TMEM114: variants seen among roughly 807,000 people sequenced by gnomAD.
TMEM114 encodes the protein transmembrane protein 114.
A neutral mutation model predicts 6.2 loss-of-function variants in TMEM114; 6 were observed. The observed-to-expected ratio is 0.97, with a 90% confidence interval of 0.53 to 1.91. The LOEUF (loss-of-function observed/expected upper bound fraction) is 1.91. TMEM114 is among the 40% of genes most tolerant of loss of function. The pLI, the probability that TMEM114 is intolerant of heterozygous loss-of-function variation, is 0.01. For missense variants in TMEM114, 218 were observed against 158.3 expected, an observed-to-expected ratio of 1.38 and a Z score of -2.02; for synonymous variants, 104 against 73.0, an observed-to-expected ratio of 1.42 and a Z score of -2.16.
chr16:8,545,162 G>C (rs1464781565), intron 2 of TMEM114, among the ~76,000 whole-genome samples: 2 of 152,190 alleles, frequency 1.3e-5, no homozygotes, highest in South Asian at 2.1e-4. Context: ...TTTTGGCCAG[G>C]CTCAATGGCT....
intron 2 of TMEM114, among the ~76,000 whole-genome samples, chr16:8,562,054 G>C (rs1318749149): frequency 6.6e-6 from 1 of 151,932 alleles, no homozygotes; most frequent in East Asian, 1.9e-4. Context: ...GTGAGTGAGT[G>C]AATGAGTGAG....
chr16:8,577,970 C>T (rs1901999523), intron 2 of TMEM114, among the ~76,000 whole-genome samples: 2 of 152,180 alleles, frequency 1.3e-5, no homozygotes, highest in South Asian at 4.1e-4. Context: ...AAGCCCTGTC[C>T]TAGGGCCTGG....
chr16:8,586,493 C>G (rs536337826), intron 2 of TMEM114, among the ~76,000 whole-genome samples: 1 of 151,708 alleles, frequency 6.6e-6, no homozygotes, highest in Non-Finnish European at 1.5e-5. Flanking sequence ...CTTCCATGAC[C>G]GGAATTCTTA....
chr16:8,588,062 G>T (rs1218801536), intron 2 of TMEM114, among the ~76,000 whole-genome samples: 1 of 152,084 alleles, frequency 6.6e-6, no homozygotes, highest in Non-Finnish European at 1.5e-5. Context: ...GAGATGGGCA[G>T]ATCACTTGAG....
In TMEM114 at chr16:8,554,299, C is replaced by A. The variant is rs578077421; in HGVS notation, n.213-16473G>T. Among the ~76,000 whole-genome samples the A allele has an allele frequency of 5.7e-4, 87 of 152,166 alleles. 1 individual carries two copies. The highest frequency in any genetic ancestry group is 7.4e-5 in the Non-Finnish European group (5 of 67,994). ...GGGCGGACAGAGTGGCTCAAGCCTG[C>A]AATTCCAGCCCTTTGGGAGGCCAAG... is the stretch of plus-strand genomic sequence containing the variant. On this transcript the variant is annotated intron_variant and non_coding_transcript_variant, in intron 2 of 2. Transcript: ENST00000623677.
chr16:8,536,772 G>A (rs1323351482), downstream of TMEM114, among the ~76,000 whole-genome samples: 1 of 152,022 alleles, frequency 6.6e-6, no homozygotes, highest in Non-Finnish European at 1.5e-5. Context: ...TGAGGCACTG[G>A]GAATCACCAC....
At chr16:8,534,711 C>G (rs1029575968), downstream of TMEM114, among the ~76,000 whole-genome samples, 5 of 152,212 alleles carry the variant, frequency 3.3e-5, no homozygotes, top group Admixed American at 6.5e-5. Context: ...CCTCAGGACT[C>G]TCACTTATAA....
intron 2 of TMEM114, among the ~76,000 whole-genome samples, chr16:8,538,384 T>A (rs1465230434): frequency 1.3e-5 from 2 of 152,100 alleles, no homozygotes; most frequent in Non-Finnish European, 2.9e-5. Flanking sequence ...AGTGGGCAGA[T>A]AGAGACCTGA....
At chr16:8,576,811 G>T (rs944176941) in intron 2 of TMEM114, among the ~76,000 whole-genome samples, 3 of 152,140 alleles carry the variant, frequency 2.0e-5, no homozygotes, top group African/African-American at 7.2e-5. Context: ...TTTATTTTGG[G>T]ATGGGTATTG....
chr16:8,547,103 T>G (rs1412762513), intron 2 of TMEM114, among the ~76,000 whole-genome samples: 1 of 152,168 alleles, frequency 6.6e-6, no homozygotes, highest in Non-Finnish European at 1.5e-5. Flanking sequence ...TCCAGAATTC[T>G]GTTGAGGGAT....
chr16:8,557,509 C>T (rs1901052120), intron 2 of TMEM114, among the ~76,000 whole-genome samples: 1 of 152,230 alleles, frequency 6.6e-6, no homozygotes, highest in Admixed American at 6.5e-5. Flanking sequence ...CTGAGTCCTT[C>T]TGCAATTCCC....
chr16:8,532,847 C>G (rs1425755294), downstream of TMEM114, among the ~76,000 whole-genome samples: 1 of 152,082 alleles, frequency 6.6e-6, no homozygotes, highest in Non-Finnish European at 1.5e-5. Context: ...TGGCATGAAC[C>G]CAGGAGGCGG....
chr16:8,582,035 C>T (rs569879058), intron 2 of TMEM114, among the ~76,000 whole-genome samples: 20 of 152,320 alleles, frequency 1.3e-4, no homozygotes, highest in South Asian at 6.2e-4. Flanking sequence ...CACCAGGCAT[C>T]GTGGGTGGGC....
chr16:8,538,350 G>C (rs1900421452), intron 2 of TMEM114, among the ~76,000 whole-genome samples: 1 of 151,928 alleles, frequency 6.6e-6, no homozygotes, highest in African/African-American at 2.4e-5. Context: ...AATTGATGGT[G>C]CTGGTTGTGC....
chr16:8,543,864 C>T (rs963037244), intron 2 of TMEM114, among the ~76,000 whole-genome samples: 6 of 152,100 alleles, frequency 3.9e-5, no homozygotes, highest in Non-Finnish European at 7.3e-5. Context: ...ACTAGAGTAA[C>T]CTAACGCTTT....
At chr16:8,578,829 A>G (rs1902033793) in intron 2 of TMEM114, among the ~76,000 whole-genome samples, 1 of 152,040 alleles carries the variant, frequency 6.6e-6, no homozygotes, top group South Asian at 2.1e-4. Flanking sequence ...AAACACAAAA[A>G]TTAGCTGGGC....
rs142820882 is a variant in TMEM114 at position 8,542,984 on chromosome 16, T to C, written n.213-5158A>G. ...CCCTACAAGCAACATGAAAATGTTA[T>C]ACTGTAATAACTCCTAGCCAGGAGA... On this transcript the variant is annotated intron_variant and non_coding_transcript_variant, in intron 2 of 2. Coordinates refer to the TMEM114 transcript ENST00000623677. Among the ~76,000 whole-genome samples the C allele has an allele frequency of 1.7e-3, 262 of 152,346 alleles. 2 individuals are homozygous for C. The highest frequency in any genetic ancestry group is 6.0e-3 in the African/African-American group (251 of 41,586).
At position 8,582,706 on chromosome 16, in the gene TMEM114, A is replaced by G. The variant is rs550269635; in HGVS notation, c.301+6507T>C. On this transcript the variant is annotated intron_variant, in intron 2 of 3. Coordinates refer to ENST00000620492, the MANE Select transcript of TMEM114 (RefSeq NM_001146336.2). ...AGAGTTCGAGACCAGCCTGGCCAAC[A>G]TGGTGAATCCCCATCTCTACTAAAA... Among the ~76,000 whole-genome samples the G allele has an allele frequency of 4.7e-4, 71 of 152,302 alleles. 1 individual carries two copies. The highest frequency in any genetic ancestry group is 1.7e-3 in the African/African-American group (70 of 41,560).
chr16:8,528,413 T>G, the TMEM114 span, among the ~76,000 whole-genome samples: 1 of 152,196 alleles, frequency 6.6e-6, no homozygotes, highest in African/African-American at 2.4e-5. Context: ...AACACTCTGC[T>G]GCCCCTTCTG....
Sources: gnomAD v4.1 joint callset for allele counts (sites outside exome capture counted in the v4.1 genomes callset) on GRCh38, gnomAD v4.1.1 for gene constraint, MANE v1.5 for transcripts, NCBI Gene and HGNC (gene_info 2026-07-23, HGNC 2026-07-21) for gene names.